Variants in LRRC37A2 observed in about 807,000 individuals in gnomAD.
The protein encoded by LRRC37A2 is leucine rich repeat containing 37 member A2.
LRRC37A2 carries 9 observed loss-of-function variants against 68.8 expected under a neutral mutation model. The observed-to-expected ratio is 0.13, with a 90% CI of 0.08 to 0.23. The LOEUF is 0.23. Ranked by LOEUF, LRRC37A2 falls within the 10% of genes least tolerant of loss-of-function variation. The probability of loss-of-function intolerance (pLI) is 1.00; values close to 1 mark genes in which losing one functional copy is unlikely to be tolerated. For missense variants in LRRC37A2, 168 were observed against 950.4 expected (o/e 0.18, Z 10.82); for synonymous variants, 63 against 367.6 (o/e 0.17, Z 9.48).
the LRRC37A2 span, among the ~76,000 whole-genome samples, chr17:46,988,785 T>G: frequency 5.3e-5 from 8 of 152,120 alleles, no homozygotes; most frequent in Admixed American, 5.2e-4. Flanking sequence ...GGTTTAGAAG[T>G]CATCAGCTTG....
the LRRC37A2 span, among the ~76,000 whole-genome samples, chr17:46,989,833 AG>A: frequency 2.0e-5 from 3 of 152,244 alleles, no homozygotes; most frequent in African/African-American, 7.2e-5. Flanking sequence ...GCAAGTTTCT[AG>A]CTTTCAGCCA....
At chr17:46,820,518 A>G in the LRRC37A2 span, among the ~76,000 whole-genome samples, 1 of 152,098 alleles carries the variant, frequency 6.6e-6, no homozygotes, top group Non-Finnish European at 1.5e-5. Flanking sequence ...TGCAAGGCGA[A>G]GAAAAATCGT....
At chr17:46,764,998 A>C in the LRRC37A2 span, among the ~76,000 whole-genome samples, 1 of 152,246 alleles carries the variant, frequency 6.6e-6, no homozygotes, top group South Asian at 2.1e-4. Flanking sequence ...CACGCCAGGC[A>C]TGCACTGTGT....
chr17:46,805,868 G>A, the LRRC37A2 span, among the ~76,000 whole-genome samples: 1 of 152,212 alleles, frequency 6.6e-6, no homozygotes, highest in Non-Finnish European at 1.5e-5. Context: ...CTGTGGTGTG[G>A]TGTGGTGTCA....
the LRRC37A2 span, among the ~76,000 whole-genome samples, chr17:46,896,325 G>A: frequency 7.0e-6 from 1 of 143,282 alleles, no homozygotes; most frequent in South Asian, 2.3e-4. Flanking sequence ...GAAAGAAAGA[G>A]AGAAAGAGAG....
chr17:46,739,328 G>A, the LRRC37A2 span, among the ~76,000 whole-genome samples: 97 of 125,092 alleles, frequency 7.8e-4, no homozygotes, highest in South Asian at 1.4e-3. Context: ...CCGAGATCGC[G>A]CCACTGCACT....
the LRRC37A2 span, among the ~76,000 whole-genome samples, chr17:46,861,944 A>C: frequency 6.6e-6 from 1 of 152,146 alleles, no homozygotes; most frequent in African/African-American, 2.4e-5. Context: ...CAGGTGGATC[A>C]CCTGAGGTCA....
chr17:46,896,996 T>C, the LRRC37A2 span, among the ~76,000 whole-genome samples: 1 of 152,228 alleles, frequency 6.6e-6, no homozygotes, highest in Non-Finnish European at 1.5e-5. Context: ...CTCTCCCACG[T>C]TCCTGAGGGG....
At chr17:46,847,334 G>A in the LRRC37A2 span, among the ~76,000 whole-genome samples, 700 of 152,292 alleles carry the variant, frequency 4.6e-3, 10 homozygotes, top group African/African-American at 0.016. Context: ...ATGACCTTGA[G>A]GAAGTCATTC....
chr17:46,882,326 T>C, the LRRC37A2 span, among the ~76,000 whole-genome samples: 1 of 152,238 alleles, frequency 6.6e-6, no homozygotes, highest in Non-Finnish European at 1.5e-5. Context: ...CCAGGCTGCA[T>C]GTCTCGTGGA....
the LRRC37A2 span, among the ~76,000 whole-genome samples, chr17:46,389,291 T>C: frequency 7.1e-6 from 1 of 141,390 alleles, no homozygotes; most frequent in Non-Finnish European, 1.6e-5. Flanking sequence ...CTAATACATA[T>C]GAATGTAGAA....
chr17:46,547,226 T>C (rs1409979757), intron 9 of LRRC37A2: 4 of 38,208 alleles, frequency 1.0e-4, no homozygotes, highest in African/African-American at 5.2e-4. Context: ...CAGAAAAGCT[T>C]TGTTAACCTC....
chr17:46,851,477 G>A, the LRRC37A2 span: 7 of 344,434 alleles, frequency 2.0e-5, no homozygotes, highest in African/African-American at 1.5e-4. The surrounding 1 kb of genome is among the most constrained non-coding windows in gnomAD (Gnocchi z 4.3). Flanking sequence ...CCAATGGGGC[G>A]GGGGGCTCGC....
the LRRC37A2 span, among the ~76,000 whole-genome samples, chr17:46,736,340 C>A: frequency 2.0e-5 from 3 of 152,184 alleles, no homozygotes; most frequent in Non-Finnish European, 2.9e-5. Flanking sequence ...TTGCTTGTGG[C>A]TGAAGTTCCC....
At chr17:47,000,063 T>TAAAATAAAA in the LRRC37A2 span, among the ~76,000 whole-genome samples, 5 of 17,726 alleles carry the variant, frequency 2.8e-4, no homozygotes, top group African/African-American at 2.3e-4. Context: ...TAAAATAAAA[T>TAAAATAAAA]TAAAATAAAA....
At chr17:46,993,284 G>A in the LRRC37A2 span, among the ~76,000 whole-genome samples, 6 of 152,228 alleles carry the variant, frequency 3.9e-5, no homozygotes, top group Non-Finnish European at 8.8e-5. Context: ...CATCCCAACA[G>A]AGGCAGATCC....
chr17:46,730,917 G>A, the LRRC37A2 span, among the ~76,000 whole-genome samples: 2 of 152,180 alleles, frequency 1.3e-5, no homozygotes, highest in Non-Finnish European at 2.9e-5. Context: ...GTAATGACAA[G>A]CGCTGGTGCA....
chr17:47,000,616 C>G, the LRRC37A2 span, among the ~76,000 whole-genome samples: 1 of 152,098 alleles, frequency 6.6e-6, no homozygotes, highest in East Asian at 1.9e-4. Context: ...CTCAATTGAA[C>G]CTTCTCTCCT....
chr17:47,030,085 AATAATCATCATCATCATCATC>A, the LRRC37A2 span, among the ~76,000 whole-genome samples: 1 of 49,550 alleles, frequency 2.0e-5, no homozygotes, highest in Non-Finnish European at 4.2e-5. Context: ...TAATAATAAT[AATAATCATCATCATCATCATC>A]ATCATCATCA....
Sources: allele counts gnomAD v4.1 joint callset (sites outside exome capture counted in the v4.1 genomes callset), GRCh38; gene constraint gnomAD v4.1.1; non-coding constraint Gnocchi (gnomAD v3.1); transcripts MANE v1.5; gene names NCBI Gene and HGNC (gene_info 2026-07-23, HGNC 2026-07-21).